Variants in SCAMP1 observed in about 807,000 individuals in gnomAD.
SCAMP1 encodes secretory carrier membrane protein 1, also known as secretory carrier-associated membrane protein 1.
A neutral mutation model predicts 41.8 loss-of-function variants in SCAMP1; 15 were observed. The ratio of observed to expected loss-of-function variants is 0.36; its 90% CI spans 0.24 to 0.55. SCAMP1 has a LOEUF of 0.55. SCAMP1 is among the 20% of genes least tolerant of loss of function. The probability of loss-of-function intolerance (pLI) is 0.86; values close to 1 mark genes in which losing one functional copy is unlikely to be tolerated. For synonymous variants in SCAMP1, 135 were observed against 136.8 expected (o/e 0.99, Z 0.09); for missense variants, 341 against 412.6 (o/e 0.83, Z 1.50).
intron 6 of SCAMP1, among the ~76,000 whole-genome samples, chr5:78,439,743 T>C (rs999282246): frequency 3.3e-5 from 5 of 152,174 alleles, no homozygotes; most frequent in Admixed American, 6.5e-5. Context: ...CTGTATTTCA[T>C]GAATTTGAAT....
intron 1 of SCAMP1, among the ~76,000 whole-genome samples, chr5:78,364,607 C>A (rs1393798010): frequency 6.6e-6 from 1 of 152,008 alleles, no homozygotes; most frequent in Non-Finnish European, 1.5e-5. Context: ...GTATGTGCTC[C>A]CTGGTTGCAT....
chr5:78,434,835 G>A (rs1269083362), intron 6 of SCAMP1, among the ~76,000 whole-genome samples: 1 of 152,010 alleles, frequency 6.6e-6, no homozygotes, highest in Admixed American at 6.6e-5. Context: ...CAGTATTTGA[G>A]GTTTATAATA....
At chr5:78,401,563 T>C (rs1037658763) in intron 2 of SCAMP1, among the ~76,000 whole-genome samples, 3 of 152,188 alleles carry the variant, frequency 2.0e-5, no homozygotes, top group Non-Finnish European at 4.4e-5. Flanking sequence ...TGTCACAAAT[T>C]GCATTTTCCG....
chr5:78,422,079 C>A, intron 6 of SCAMP1, 119 bp downstream of exon 6: 1 of 844,686 alleles, frequency 1.2e-6, no homozygotes, highest in Non-Finnish European at 1.8e-6. Flanking sequence ...TGTTGTGTAA[C>A]ATACCTTCAG....
intron 6 of SCAMP1, among the ~76,000 whole-genome samples, chr5:78,449,652 GT>G (rs995088946): frequency 2.0e-5 from 3 of 152,116 alleles, no homozygotes; most frequent in Admixed American, 6.6e-5. Flanking sequence ...AAACGAGTAA[GT>G]TTTTTTGTCA....
At chr5:78,369,445 T>C (rs1580641276) in intron 1 of SCAMP1, among the ~76,000 whole-genome samples, 1 of 152,166 alleles carries the variant, frequency 6.6e-6, no homozygotes, top group South Asian at 2.1e-4. Flanking sequence ...TGCAGTGTTA[T>C]GGGCATGGTT....
intron 5 of SCAMP1, among the ~76,000 whole-genome samples, chr5:78,419,915 T>G (rs968934529): frequency 6.6e-6 from 1 of 152,214 alleles, no homozygotes; most frequent in East Asian, 1.9e-4. Flanking sequence ...TGCTGAATCC[T>G]CAGTGTCAGT....
chr5:78,456,975 A>G (rs1206357281), intron 7 of SCAMP1, among the ~76,000 whole-genome samples: 9 of 134,598 alleles, frequency 6.7e-5, no homozygotes, highest in Admixed American at 5.1e-4. Flanking sequence ...AGTTGATCGC[A>G]TGGGCTCCTG....
chr5:78,384,742 G>A, intron 1 of SCAMP1, among the ~76,000 whole-genome samples: 1 of 151,934 alleles, frequency 6.6e-6, no homozygotes, highest in East Asian at 1.9e-4. Context: ...CTGTTTATGT[G>A]GTGTATCACA....
chr5:78,430,012 G>C (rs1010866553), intron 6 of SCAMP1, among the ~76,000 whole-genome samples: 2 of 150,166 alleles, frequency 1.3e-5, no homozygotes, highest in Admixed American at 6.7e-5. Flanking sequence ...AGTATTTGGA[G>C]TTCTTTATTT....
At chr5:78,462,644 A>C (rs1753646443) in intron 8 of SCAMP1, among the ~76,000 whole-genome samples, 1 of 152,110 alleles carries the variant, frequency 6.6e-6, no homozygotes, top group African/African-American at 2.4e-5. Context: ...ACTTTACTCA[A>C]GTTAGTTATC....
intron 7 of SCAMP1, among the ~76,000 whole-genome samples, chr5:78,458,364 G>A (rs941707510): frequency 1.3e-5 from 2 of 152,132 alleles, no homozygotes; most frequent in African/African-American, 2.4e-5. Context: ...TAATAGGTGT[G>A]TAGTGATATC....
chr5:78,444,003 G>T (rs3952231), intron 6 of SCAMP1, among the ~76,000 whole-genome samples: 1 of 151,742 alleles, frequency 6.6e-6, no homozygotes, highest in Non-Finnish European at 1.5e-5. Context: ...TAGAATTTTC[G>T]AATCTTCTTC....
intron 2 of SCAMP1, among the ~76,000 whole-genome samples, chr5:78,401,632 A>G (rs1394202557): frequency 2.0e-5 from 3 of 152,036 alleles, no homozygotes; most frequent in African/African-American, 7.2e-5. Context: ...TATTTATAGT[A>G]TGTCTTGGTT....
intron 1 of SCAMP1, among the ~76,000 whole-genome samples, chr5:78,362,782 C>T (rs10942848): frequency 0.91 from 138,518 of 152,220 alleles, 63,501 homozygotes; most frequent in Non-Finnish European, 0.97. Flanking sequence ...CTTTTTACTT[C>T]TGCTTATATT....
chr5:78,451,689 G>T (rs75328041), intron 7 of SCAMP1, among the ~76,000 whole-genome samples: 1 of 152,018 alleles, frequency 6.6e-6, no homozygotes, highest in East Asian at 1.9e-4. Flanking sequence ...ACAGAGTCTC[G>T]CCCTATCACC....
intron 8 of SCAMP1, among the ~76,000 whole-genome samples, chr5:78,459,720 T>C (rs1286804733): frequency 6.6e-6 from 1 of 152,210 alleles, no homozygotes; most frequent in Non-Finnish European, 1.5e-5. Context: ...TATTATGTGA[T>C]ATGTACATTT....
intron 6 of SCAMP1, among the ~76,000 whole-genome samples, chr5:78,431,983 CTT>C (rs1195078244): frequency 6.6e-6 from 1 of 152,062 alleles, no homozygotes; most frequent in East Asian, 1.9e-4. Context: ...TAGTTATACT[CTT>C]TTAGTTATTT....
At chr5:78,380,359 G>C (rs1751171718) in intron 1 of SCAMP1, among the ~76,000 whole-genome samples, 1 of 152,176 alleles carries the variant, frequency 6.6e-6, no homozygotes, top group Non-Finnish European at 1.5e-5. Flanking sequence ...TATTTTGCTA[G>C]GTATTGCCAA....
Sources: allele counts gnomAD v4.1 joint callset (sites outside exome capture counted in the v4.1 genomes callset), GRCh38; gene constraint gnomAD v4.1.1; transcripts MANE v1.5; gene names NCBI Gene and HGNC (gene_info 2026-07-23, HGNC 2026-07-21).